AKAP9: variants seen among roughly 807,000 people sequenced by gnomAD.
AKAP9 encodes the protein A-kinase anchor protein 9.
Under a neutral mutation model 488.5 loss-of-function variants are expected in AKAP9, and 311 were observed. The observed-to-expected ratio is 0.64, with a 90% CI of 0.58 to 0.70. AKAP9 has a LOEUF of 0.70. AKAP9 is among the 30% of genes least tolerant of loss of function. AKAP9 has a pLI of 0.00. For missense variants in AKAP9, 4,215 were observed against 4,374.5 expected, an observed-to-expected ratio of 0.96 and a Z score of 1.03; for synonymous variants, 1,462 against 1,483.5, an observed-to-expected ratio of 0.99 and a Z score of 0.33.
At chr7:91,974,280 C>T (rs537938199) in intron 2 of AKAP9, among the ~76,000 whole-genome samples, 2 of 152,246 alleles carry the variant, frequency 1.3e-5, no homozygotes, top group South Asian at 2.1e-4. Context: ...TAAAGGTATG[C>T]AGTGTGCTAT....
chr7:92,051,124 C>T (rs1351258107), intron 21 of AKAP9, among the ~76,000 whole-genome samples: 1 of 152,124 alleles, frequency 6.6e-6, no homozygotes, highest in Non-Finnish European at 1.5e-5. Flanking sequence ...AAATTTAAGA[C>T]CATTTACAAC....
chr7:92,051,814 A>G (rs1464645125), intron 21 of AKAP9, among the ~76,000 whole-genome samples: 2 of 152,224 alleles, frequency 1.3e-5, no homozygotes, highest in Non-Finnish European at 2.9e-5. Flanking sequence ...ACAAATATGT[A>G]CTACATGTAA....
intron 8 of AKAP9, among the ~76,000 whole-genome samples, chr7:92,011,885 G>A (rs1440478915): frequency 6.6e-6 from 1 of 152,180 alleles, no homozygotes; most frequent in African/African-American, 2.4e-5. Flanking sequence ...AGGATTGCAT[G>A]AGCCCAGGAG....
In AKAP9 at chr7:92,070,933, TAGA is replaced by T; in HGVS notation, c.6539_6541del (p.Glu2180del). 2 of 1,613,862 alleles carry T rather than the reference TAGA, an allele frequency of 1.2e-6. No homozygotes were observed. The highest frequency in any genetic ancestry group is 2.2e-5 in the South Asian group (2 of 91,084). ...GAGGACCGAAAACACTTTGGAGCTG[TAGA>T]AGCTAAACCAGAATTGTCCCTAGAA... On this transcript the variant is annotated inframe_deletion, in exon 28 of 50. Coordinates refer to ENST00000356239, the MANE Select transcript of AKAP9 (RefSeq NM_005751.5).
At chr7:92,026,825 G>C (rs1157178746) in intron 14 of AKAP9, among the ~76,000 whole-genome samples, 1 of 150,474 alleles carries the variant, frequency 6.6e-6, no homozygotes, top group Non-Finnish European at 1.5e-5. Context: ...CCTCTGCCCG[G>C]CCGCCCCGTC....
intron 26 of AKAP9, 36 bp from the exon 27 acceptor site, chr7:92,069,994 T>C: frequency 6.3e-7 from 1 of 1,593,964 alleles, no homozygotes; most frequent in Non-Finnish European, 8.6e-7. Context: ...TGCTGAAATT[T>C]TTTTTAAATT....
chr7:92,062,949 G>C (rs1181733775), intron 24 of AKAP9, among the ~76,000 whole-genome samples: 1 of 152,112 alleles, frequency 6.6e-6, no homozygotes, highest in African/African-American at 2.4e-5. Context: ...CTGACATCTA[G>C]TTTAATGTAG....
At chr7:91,964,524 C>T (rs1738327936) in intron 1 of AKAP9, among the ~76,000 whole-genome samples, 1 of 151,884 alleles carries the variant, frequency 6.6e-6, no homozygotes, top group Non-Finnish European at 1.5e-5. Flanking sequence ...TAATGCCTAC[C>T]CTAAAAACTC....
At chr7:92,091,095 A>G (rs980872078) in intron 38 of AKAP9, among the ~76,000 whole-genome samples, 9 of 152,124 alleles carry the variant, frequency 5.9e-5, no homozygotes, top group African/African-American at 2.2e-4. Flanking sequence ...TTGTTTAGGT[A>G]CTTTTTGATA....
chr7:91,957,801 A>G (rs902797275), intron 1 of AKAP9, among the ~76,000 whole-genome samples: 7 of 152,178 alleles, frequency 4.6e-5, no homozygotes, highest in African/African-American at 1.2e-4. Context: ...TAACACTTCA[A>G]ATTTTGTAAT....
chr7:92,017,841 A>G (rs991055434), intron 12 of AKAP9, among the ~76,000 whole-genome samples: 1 of 152,042 alleles, frequency 6.6e-6, no homozygotes, highest in African/African-American at 2.4e-5. Context: ...TTTCTGTGCA[A>G]TTAAGTACAA....
At chr7:92,063,164 A>T (rs553994746) in intron 24 of AKAP9, among the ~76,000 whole-genome samples, 1 of 152,238 alleles carries the variant, frequency 6.6e-6, no homozygotes. Flanking sequence ...CACTGATTTC[A>T]TTTTATCGGT....
intron 46 of AKAP9, among the ~76,000 whole-genome samples, chr7:92,104,769 A>G (rs1244289658): frequency 6.6e-6 from 1 of 152,064 alleles, no homozygotes; most frequent in African/African-American, 2.4e-5. Flanking sequence ...CTCACCTTTC[A>G]TTTCCTTCAT....
chr7:92,000,008 A>G (rs1233963487), intron 7 of AKAP9, among the ~76,000 whole-genome samples: 1 of 152,218 alleles, frequency 6.6e-6, no homozygotes, highest in African/African-American at 2.4e-5. Context: ...ATAGCCCTCT[A>G]TTACTTACAG....
chr7:92,079,046 A>G, intron 30 of AKAP9, 33 bp from the exon 31 acceptor site: 1 of 1,422,004 alleles, frequency 7.0e-7, no homozygotes, highest in Non-Finnish European at 9.6e-7. Flanking sequence ...ATACATATAT[A>G]TTATGTATGT....
chr7:91,965,679 C>T (rs918886940), intron 1 of AKAP9, among the ~76,000 whole-genome samples: 1 of 152,196 alleles, frequency 6.6e-6, no homozygotes, highest in Non-Finnish European at 1.5e-5. Context: ...CTCTCCACAT[C>T]CTCCCCAGCA....
At chr7:91,961,009 T>TTA (rs1793664242) in intron 1 of AKAP9, among the ~76,000 whole-genome samples, 1 of 152,228 alleles carries the variant, frequency 6.6e-6, no homozygotes, top group South Asian at 2.1e-4. Context: ...GAGAGACTGT[T>TTA]ATTAAATAAT....
At chr7:92,062,160 G>T in intron 23 of AKAP9, 114 bp from the exon 24 acceptor site, 1 of 917,468 alleles carries the variant, frequency 1.1e-6, no homozygotes. Context: ...CTTTTAATAG[G>T]TTGGAATGAT....
At chr7:91,970,400 G>T in intron 1 of AKAP9, 1 of 442,098 alleles carries the variant, frequency 2.3e-6, no homozygotes, top group Admixed American at 2.5e-5. Flanking sequence ...GTTTGTCCAC[G>T]TACTTAATTT....
Sources: gnomAD v4.1 joint callset for allele counts (sites outside exome capture counted in the v4.1 genomes callset) on GRCh38, gnomAD v4.1.1 for gene constraint, MANE v1.5 for transcripts, NCBI Gene and HGNC (gene_info 2026-07-23, HGNC 2026-07-21) for gene names.